The following METAP1 variants were observed in gnomAD, a reference collection of about 807,000 sequenced individuals.
The protein encoded by METAP1 is methionine aminopeptidase 1.
In METAP1, 28 loss-of-function variants were observed where a neutral mutation model predicts 53.8. That is an observed-to-expected ratio of 0.52 (90% CI 0.39 to 0.71). The LOEUF (loss-of-function observed/expected upper bound fraction) is 0.71. METAP1 is among the 30% of genes least tolerant of loss of function. METAP1 has a pLI of 0.00. For missense variants in METAP1, 389 were observed against 479.8 expected, an observed-to-expected ratio of 0.81 and a Z score of 1.77; for synonymous variants, 181 against 165.7, an observed-to-expected ratio of 1.09 and a Z score of -0.71.
chr4:99,036,599 T>C (rs1725440450), intron 4 of METAP1, among the ~76,000 whole-genome samples: 1 of 152,182 alleles, frequency 6.6e-6, no homozygotes, highest in African/African-American at 2.4e-5. Flanking sequence ...AAACTATATT[T>C]ACCTTTTCAC....
chr4:99,045,133 G>T, intron 7 of METAP1, 46 bp from the exon 8 acceptor site: 1 of 1,577,812 alleles, frequency 6.3e-7, no homozygotes, highest in South Asian at 1.1e-5. Flanking sequence ...CTTGAATTTT[G>T]AAATGAAAAT....
At chr4:99,017,365 C>T (rs942836163) in intron 1 of METAP1, among the ~76,000 whole-genome samples, 2 of 152,216 alleles carry the variant, frequency 1.3e-5, no homozygotes, top group African/African-American at 4.8e-5. Flanking sequence ...AGTTCACAGC[C>T]TTCGGCGGAA....
At chr4:98,997,288 T>C (rs1722683750) in intron 1 of METAP1, 1 of 152,768 alleles carries the variant, frequency 6.5e-6, no homozygotes, top group Non-Finnish European at 1.5e-5. Context: ...TATACAGTCT[T>C]GTTTTTAGAT....
intron 1 of METAP1, among the ~76,000 whole-genome samples, chr4:99,024,470 T>TG (rs1698479837): frequency 6.6e-6 from 1 of 152,120 alleles, no homozygotes; most frequent in African/African-American, 2.4e-5. Context: ...TTGGGAGTAC[T>TG]GATTGGTTGG....
chr4:99,037,409 TCTTCTAGCATTTTTATG>T (rs1291205407), intron 4 of METAP1, among the ~76,000 whole-genome samples: 1 of 151,996 alleles, frequency 6.6e-6, no homozygotes, highest in Non-Finnish European at 1.5e-5. Flanking sequence ...TCCTATGTTT[TCTTCTAGCATTTTTATG>T]GTTTCAGTCT....
At chr4:99,015,266 C>G (rs1173683773) in intron 1 of METAP1, among the ~76,000 whole-genome samples, 1 of 152,058 alleles carries the variant, frequency 6.6e-6, no homozygotes, top group Non-Finnish European at 1.5e-5. Context: ...ATGCTTTTGT[C>G]TTATCATTTA....
intron 1 of METAP1, among the ~76,000 whole-genome samples, chr4:99,001,303 A>G (rs964574304): frequency 1.3e-5 from 2 of 152,262 alleles, no homozygotes; most frequent in African/African-American, 4.8e-5. Flanking sequence ...ATAAGCAAAA[A>G]GATAGGATGA....
At chr4:99,027,959 T>A (rs1246412205) in intron 1 of METAP1, among the ~76,000 whole-genome samples, 1 of 151,672 alleles carries the variant, frequency 6.6e-6, no homozygotes, top group Non-Finnish European at 1.5e-5. Context: ...GTCCTAGGGA[T>A]TTTTTTTTCC....
chr4:99,058,985 G>C (rs907291578), intron 10 of METAP1, among the ~76,000 whole-genome samples: 2 of 152,226 alleles, frequency 1.3e-5, no homozygotes, highest in Admixed American at 6.5e-5. Context: ...ATAAAGTTCT[G>C]ATCACGTGCA....
At chr4:99,001,778 T>C (rs1191190199) in intron 1 of METAP1, among the ~76,000 whole-genome samples, 1 of 152,234 alleles carries the variant, frequency 6.6e-6, no homozygotes, top group Non-Finnish European at 1.5e-5. Context: ...ATTTGGTACA[T>C]GAACCCAGAA....
At position 98,995,834 on chromosome 4, in the gene METAP1, G is replaced by A. The variant is rs1722588999; in HGVS notation, c.81G>A (p.Lys27=). 1 of 1,543,416 alleles carries A rather than the reference G, an allele frequency of 6.5e-7. No homozygotes were observed. Among genetic ancestry groups the A allele is most frequent in the African/African-American group, 1.4e-5 (1 of 72,086 alleles). Residue 27 remains lysine, a synonymous_variant, in exon 1 of 11, where the codon AAG becomes AAA. Coordinates refer to ENST00000296411, the MANE Select transcript of METAP1 (RefSeq NM_015143.3). ...EAKLQCPTCI[K]LGIQGSYFCS... is the part of the protein sequence containing the mutation. The stretch of plus-strand genomic sequence containing the variant: ...AGCTCCAGTGTCCCACTTGCATCAA[G>A]CTGGGCATCCAGGGCTCGTACTTCT...
chr4:99,051,775 G>GT lies in METAP1; in HGVS notation c.931+2910dup, dbSNP rs1022837077. 8.4e-3 allele frequency among the ~76,000 whole-genome samples: 1,227 copies of GT among 145,880 alleles called. 6 individuals carry two copies. The highest frequency in any genetic ancestry group is 0.018 in the African/African-American group (714 of 39,836). The stretch of plus-strand genomic sequence containing the variant: ...GTAGGGAAGTATTAAACTATTGAGG[G>GT]TTTTTTTTTTTGTATAGCAGAGATA... On this transcript the variant is annotated intron_variant, in intron 9 of 10. Coordinates refer to ENST00000296411, the MANE Select transcript of METAP1 (RefSeq NM_015143.3).
Position 99,048,860 on chromosome 4 carries a change from T to C in METAP1, c.915T>C (p.Asn305=). The change falls in exon 9 of 11, where the codon AAT becomes AAC. Residue 305 remains asparagine (N), a synonymous_variant. Coordinates refer to ENST00000296411, the MANE Select transcript of METAP1 (RefSeq NM_015143.3). ...ACAAGCTTTTTCATACAGCTCCCAA[T>C]GTACCCCACTATGCTAGTAAGTACT... ...GIHKLFHTAP[N]VPHYAKNKAV... is the part of the protein sequence containing the mutation. 1 of 1,614,036 alleles carries C rather than the reference T, an allele frequency of 6.2e-7. No individual in the cohort carries two copies.
At chr4:98,998,833 G>A (rs534142471) in intron 1 of METAP1, among the ~76,000 whole-genome samples, 4 of 149,908 alleles carry the variant, frequency 2.7e-5, no homozygotes, top group Admixed American at 6.6e-5. Flanking sequence ...TTTTTGAGAC[G>A]GAGTTTCGCT....
chr4:99,041,420 T>C (rs1725857177), intron 6 of METAP1, among the ~76,000 whole-genome samples: 2 of 152,078 alleles, frequency 1.3e-5, no homozygotes, highest in South Asian at 2.1e-4. Context: ...TTTATCTGCT[T>C]TAAGTAAATC....
intron 9 of METAP1, among the ~76,000 whole-genome samples, chr4:99,051,688 G>C (rs1470824395): frequency 6.6e-6 from 1 of 152,072 alleles, no homozygotes; most frequent in African/African-American, 2.4e-5. Context: ...ACCACACCCA[G>C]CCTTATATAT....
chr4:98,997,129 T>A (rs1722672248), intron 1 of METAP1, among the ~76,000 whole-genome samples: 1 of 152,174 alleles, frequency 6.6e-6, no homozygotes, highest in South Asian at 2.1e-4. Flanking sequence ...AATAAAAATA[T>A]GAATAAGAAT....
At chr4:99,049,925 T>G (rs1007476778) in intron 9 of METAP1, among the ~76,000 whole-genome samples, 1 of 152,214 alleles carries the variant, frequency 6.6e-6, no homozygotes, top group Non-Finnish European at 1.5e-5. Flanking sequence ...ATGGATAACT[T>G]CTTAGCCCAA....
At chr4:99,023,764 C>T (rs1724322602) in intron 1 of METAP1, 4 of 985,372 alleles carry the variant, frequency 4.1e-6, no homozygotes, top group East Asian at 1.1e-4. Context: ...GAGTTAGTTG[C>T]ACTGGTTAAT....
Sources: gnomAD v4.1 joint callset for allele counts (sites outside exome capture counted in the v4.1 genomes callset) on GRCh38, gnomAD v4.1.1 for gene constraint, MANE v1.5 for transcripts, NCBI Gene and HGNC (gene_info 2026-07-23, HGNC 2026-07-21) for gene names.